The following KAT6A variants were observed in gnomAD, a reference collection of about 807,000 sequenced individuals.
KAT6A encodes the protein histone acetyltransferase KAT6A.
Under a neutral mutation model 198.4 loss-of-function variants are expected in KAT6A, and 9 were observed. The observed-to-expected ratio is 0.05, with a 90% CI of 0.03 to 0.08. The LOEUF (loss-of-function observed/expected upper bound fraction) is 0.08, where lower values mean the gene tolerates loss of function less well. Ranked by LOEUF, KAT6A falls within the 10% of genes least tolerant of loss-of-function variation. The probability of loss-of-function intolerance (pLI) is 1.00; values close to 1 mark genes in which losing one functional copy is unlikely to be tolerated. For missense variants in KAT6A, 2,077 were observed against 2,509.9 expected, an observed-to-expected ratio of 0.83 and a Z score of 3.69; for synonymous variants, 890 against 883.0, an observed-to-expected ratio of 1.01 and a Z score of -0.14.
intron 2 of KAT6A, among the ~76,000 whole-genome samples, chr8:41,995,163 A>C (rs1156907922): frequency 6.6e-6 from 1 of 152,234 alleles, no homozygotes; most frequent in Non-Finnish European, 1.5e-5. Flanking sequence ...TAGATATAAT[A>C]AGAGTACCTT....
rs1822117626 is a variant in KAT6A, at chr8:41,941,311, G to A, written c.2570C>T (p.Pro857Leu). 1 of 1,613,778 alleles carries A rather than the reference G, an allele frequency of 6.2e-7. No individual in the cohort carries two copies. Among genetic ancestry groups the A allele is most frequent in the African/African-American group, 1.3e-5 (1 of 74,964 alleles). ...SKQVLPHDSL[P>L]ANSQPSRRGR... ...CCTCCGAGATGGCTGGCTATTTGCA[G>A]GAAGACTATCATGAGGAAGGACTTG... The change falls in exon 15 of 17, where the codon CCT (proline) becomes CTT (leucine). Residue 857 changes from proline (P) to leucine (L), a missense_variant. By Grantham distance (98) the Pro-to-Leu change is moderately conservative. Transcript: ENST00000265713.
intron 8 of KAT6A, among the ~76,000 whole-genome samples, chr8:41,971,998 A>T (rs1413498880): frequency 6.6e-6 from 1 of 152,220 alleles, no homozygotes; most frequent in East Asian, 1.9e-4. Flanking sequence ...CTATGGCTAC[A>T]ACAGTAAGAG....
chr8:41,976,397 GC>G (rs1179931603), intron 7 of KAT6A, among the ~76,000 whole-genome samples: 1 of 152,112 alleles, frequency 6.6e-6, no homozygotes, highest in Non-Finnish European at 1.5e-5. Flanking sequence ...TGAATGATTT[GC>G]CACATTATTA....
chr8:42,022,271 C>T (rs1029373148), intron 2 of KAT6A, among the ~76,000 whole-genome samples: 4 of 151,800 alleles, frequency 2.6e-5, no homozygotes, highest in African/African-American at 9.7e-5. Context: ...AAATACTGTA[C>T]GTAAAAAGTT....
chr8:42,041,015 T>G (rs1382023011), intron 2 of KAT6A, among the ~76,000 whole-genome samples: 1 of 151,344 alleles, frequency 6.6e-6, no homozygotes, highest in African/African-American at 2.4e-5. Context: ...GCCAACACAG[T>G]GAAGCCCCAT....
At chr8:41,935,047 T>G (rs187087161) in intron 16 of KAT6A, among the ~76,000 whole-genome samples, 180 bp from the exon 17 acceptor site, 8 of 152,374 alleles carry the variant, frequency 5.3e-5, no homozygotes, top group Non-Finnish European at 1.0e-4. Context: ...TGACATATTC[T>G]AAGTCACACA....
At chr8:41,955,509 A>G in intron 8 of KAT6A, 98 bp from the exon 9 acceptor site, 3 of 720,470 alleles carry the variant, frequency 4.2e-6, no homozygotes, top group Non-Finnish European at 7.1e-6. Flanking sequence ...TCAGGACTCC[A>G]AAGGAGTAAA....
intron 8 of KAT6A, among the ~76,000 whole-genome samples, chr8:41,967,279 A>ATTTATTTAT (rs1164520294): frequency 6.8e-6 from 1 of 148,098 alleles, no homozygotes; most frequent in African/African-American, 2.5e-5. Flanking sequence ...AAAAAAATTT[A>ATTTATTTAT]TTTATTTATT....
At chr8:42,045,549 C>T (rs1163409247) in intron 2 of KAT6A, among the ~76,000 whole-genome samples, 7 of 126,588 alleles carry the variant, frequency 5.5e-5, no homozygotes, top group African/African-American at 1.3e-4. Flanking sequence ...GCAACAAGAG[C>T]GAAATTCCAT....
intron 2 of KAT6A, among the ~76,000 whole-genome samples, chr8:42,036,069 A>G (rs907948317): frequency 4.6e-5 from 7 of 152,140 alleles, no homozygotes; most frequent in Admixed American, 4.6e-4. Flanking sequence ...GCACAGATGT[A>G]TTTAGGATGG....
At chr8:41,975,192 AC>A (rs1170363165) in intron 7 of KAT6A, among the ~76,000 whole-genome samples, 1 of 152,086 alleles carries the variant, frequency 6.6e-6, no homozygotes, top group Non-Finnish European at 1.5e-5. Context: ...GTTCAAAAAA[AC>A]CTCTTGAGTA....
chr8:41,948,100 C>A (rs950469946), intron 10 of KAT6A, among the ~76,000 whole-genome samples, 188 bp from the exon 11 acceptor site: 1 of 152,184 alleles, frequency 6.6e-6, no homozygotes. Context: ...TGTTTTAAGA[C>A]AACCAAATAT....
chr8:42,048,176 T>C (rs1161225856), intron 2 of KAT6A, among the ~76,000 whole-genome samples: 1 of 152,186 alleles, frequency 6.6e-6, no homozygotes, highest in African/African-American at 2.4e-5. Flanking sequence ...TTCTACATTT[T>C]TAATCTTAGG....
chr8:42,044,245 C>T (rs1827801280), intron 2 of KAT6A, among the ~76,000 whole-genome samples: 1 of 151,872 alleles, frequency 6.6e-6, no homozygotes, highest in African/African-American at 2.4e-5. Flanking sequence ...GGATTACAGG[C>T]ACCCACCATC....
At chr8:41,987,705 T>C in intron 2 of KAT6A, 142 bp from the exon 3 acceptor site, 2 of 643,286 alleles carry the variant, frequency 3.1e-6, no homozygotes, top group South Asian at 1.9e-5. Flanking sequence ...GCTAAGTAGG[T>C]GAGTTTTTAC....
chr8:42,044,500 A>C (rs895685205), intron 2 of KAT6A, among the ~76,000 whole-genome samples: 2 of 152,172 alleles, frequency 1.3e-5, no homozygotes, highest in Non-Finnish European at 2.9e-5. Flanking sequence ...AACTCCTCTT[A>C]AACGTATTCC....
At chr8:41,952,645 CCT>C (rs780732918) in intron 9 of KAT6A, among the ~76,000 whole-genome samples, 3 of 152,042 alleles carry the variant, frequency 2.0e-5, no homozygotes, top group Non-Finnish European at 4.4e-5. Context: ...CTCCTATTGC[CCT>C]GTTTTTGTAC....
intron 2 of KAT6A, among the ~76,000 whole-genome samples, chr8:42,008,618 T>C (rs926625813): frequency 5.9e-5 from 9 of 152,164 alleles, no homozygotes; most frequent in Non-Finnish European, 1.2e-4. Context: ...GTGCTGGGAT[T>C]ACAGGCATGA....
At chr8:42,022,453 G>C (rs1826594468) in intron 2 of KAT6A, among the ~76,000 whole-genome samples, 1 of 152,072 alleles carries the variant, frequency 6.6e-6, no homozygotes, top group Non-Finnish European at 1.5e-5. Context: ...CAGCCTAACA[G>C]TACAAATACA....
Sources: gnomAD v4.1 joint callset for allele counts (sites outside exome capture counted in the v4.1 genomes callset) on GRCh38, gnomAD v4.1.1 for gene constraint, MANE v1.5 for transcripts, NCBI Gene and HGNC (gene_info 2026-07-23, HGNC 2026-07-21) for gene names.